GPC6: variants seen among roughly 807,000 people sequenced by gnomAD.
GPC6 encodes glypican-6.
Under a neutral mutation model 55.2 loss-of-function variants are expected in GPC6, and 14 were observed. The ratio of observed to expected loss-of-function variants is 0.25; its 90% CI spans 0.17 to 0.40. GPC6 has a LOEUF of 0.40. GPC6 is among the 10% of genes least tolerant of loss of function. The pLI, the probability that GPC6 is intolerant of heterozygous loss-of-function variation, is 1.00. For missense variants in GPC6, 641 were observed against 708.5 expected, an observed-to-expected ratio of 0.90 and a Z score of 1.08; for synonymous variants, 278 against 259.6, an observed-to-expected ratio of 1.07 and a Z score of -0.68.
At chr13:93,508,014 T>G (rs894568495) in intron 1 of GPC6, among the ~76,000 whole-genome samples, 3 of 152,240 alleles carry the variant, frequency 2.0e-5, no homozygotes, top group African/African-American at 7.2e-5. Flanking sequence ...CTGTTTTACA[T>G]GCTGGGAATA....
chr13:93,436,956 T>A (rs1200904337), intron 1 of GPC6, among the ~76,000 whole-genome samples: 1 of 152,170 alleles, frequency 6.6e-6, no homozygotes, highest in Non-Finnish European at 1.5e-5. Context: ...TGGTGCCATT[T>A]TTTTTTCTCA....
At chr13:93,465,167 C>G (rs1315452383) in intron 1 of GPC6, among the ~76,000 whole-genome samples, 1 of 152,166 alleles carries the variant, frequency 6.6e-6, no homozygotes, top group East Asian at 1.9e-4. Flanking sequence ...TAGTATAATT[C>G]CTAAGGTACC....
chr13:93,218,857 T>C, the GPC6 span, among the ~76,000 whole-genome samples: 1 of 152,196 alleles, frequency 6.6e-6, no homozygotes, highest in Admixed American at 6.5e-5. Context: ...GGGGAATGGT[T>C]GGAGTTTGAG....
At chr13:93,830,749 C>T (rs1336710350) in intron 3 of GPC6, 1 of 587,376 alleles carries the variant, frequency 1.7e-6, no homozygotes. Flanking sequence ...GGATTTTAAG[C>T]CATTCTATGT....
intron 3 of GPC6, among the ~76,000 whole-genome samples, chr13:93,877,211 A>G (rs1183091297): frequency 3.3e-5 from 5 of 152,098 alleles, no homozygotes; most frequent in Non-Finnish European, 5.9e-5. Flanking sequence ...TAGAGGAAGA[A>G]GAATTTATTA....
intron 1 of GPC6, among the ~76,000 whole-genome samples, chr13:93,494,401 T>G (rs1286736424): frequency 6.6e-6 from 1 of 150,514 alleles, no homozygotes; most frequent in Admixed American, 6.6e-5. Flanking sequence ...TCCTTTTATT[T>G]TGAGCCTATG....
At chr13:93,742,639 T>C (rs1884248648) in intron 2 of GPC6, among the ~76,000 whole-genome samples, 1 of 152,192 alleles carries the variant, frequency 6.6e-6, no homozygotes, top group Non-Finnish European at 1.5e-5. Context: ...ACACCTCATG[T>C]CATGCCTCTG....
intron 4 of GPC6, among the ~76,000 whole-genome samples, chr13:94,214,690 A>G (rs1380213746): frequency 6.6e-6 from 1 of 152,126 alleles, no homozygotes; most frequent in African/African-American, 2.4e-5. Context: ...GAACTGTTTT[A>G]TAGTAAATTT....
At chr13:93,939,677 T>C (rs1878629612) in intron 3 of GPC6, among the ~76,000 whole-genome samples, 1 of 152,132 alleles carries the variant, frequency 6.6e-6, no homozygotes, top group Non-Finnish European at 1.5e-5. Flanking sequence ...CTTGAGCTCC[T>C]CAGCTCAAAG....
intron 1 of GPC6, among the ~76,000 whole-genome samples, chr13:93,383,808 A>G (rs1047235487): frequency 1.3e-5 from 2 of 151,842 alleles, no homozygotes; most frequent in Non-Finnish European, 1.5e-5. Flanking sequence ...TGGAACTTTT[A>G]TATGGAAGTC....
chr13:94,183,539 C>T (rs1420761811), intron 4 of GPC6, among the ~76,000 whole-genome samples: 1 of 152,194 alleles, frequency 6.6e-6, no homozygotes, highest in Non-Finnish European at 1.5e-5. Flanking sequence ...ATACAAGTAT[C>T]TGGCTGAGTC....
At chr13:94,077,635 T>C (rs1436268515) in intron 4 of GPC6, among the ~76,000 whole-genome samples, 1 of 151,912 alleles carries the variant, frequency 6.6e-6, no homozygotes, top group Non-Finnish European at 1.5e-5. Flanking sequence ...TATGTTGAAG[T>C]ACATTTCTTC....
At chr13:94,256,055 A>C (rs1342321934) in intron 4 of GPC6, among the ~76,000 whole-genome samples, 2 of 152,192 alleles carry the variant, frequency 1.3e-5, no homozygotes, top group Non-Finnish European at 2.9e-5. Context: ...GGACAAAATC[A>C]AAGTGGAAAA....
intron 3 of GPC6, among the ~76,000 whole-genome samples, chr13:93,943,430 C>T (rs535143727): frequency 1.3e-5 from 2 of 152,254 alleles, no homozygotes; most frequent in Admixed American, 1.3e-4. Flanking sequence ...TCATCTTACT[C>T]TCACTCTGGA....
intron 1 of GPC6, among the ~76,000 whole-genome samples, chr13:93,464,032 T>G (rs572751293): frequency 1.5e-4 from 23 of 152,166 alleles, no homozygotes; most frequent in Non-Finnish European, 2.8e-4. Context: ...GCATAAAACT[T>G]AAGTTTACAC....
intron 1 of GPC6, among the ~76,000 whole-genome samples, chr13:93,430,012 C>T (rs1280964670): frequency 6.6e-6 from 1 of 152,106 alleles, no homozygotes; most frequent in Non-Finnish European, 1.5e-5. Flanking sequence ...TGCCAATAAG[C>T]ATTCTTTATT....
At chr13:94,305,823 A>G (rs1340867581) in intron 5 of GPC6, among the ~76,000 whole-genome samples, 157 bp from the exon 6 acceptor site, 1 of 152,210 alleles carries the variant, frequency 6.6e-6, no homozygotes, top group African/African-American at 2.4e-5. Flanking sequence ...TTTCTGTTAT[A>G]TTAGTGGTTA....
intron 3 of GPC6, among the ~76,000 whole-genome samples, chr13:93,860,164 C>G (rs1051374852): frequency 2.0e-5 from 3 of 151,586 alleles, no homozygotes; most frequent in African/African-American, 7.3e-5. Flanking sequence ...AAATCAAATT[C>G]TTTCTTCAGA....
chr13:93,441,676 G>T (rs1042897583), intron 1 of GPC6, among the ~76,000 whole-genome samples: 1 of 152,134 alleles, frequency 6.6e-6, no homozygotes, highest in African/African-American at 2.4e-5. Context: ...TTCTTTTGTT[G>T]TGCAAAAGCT....
Sources: gnomAD v4.1 joint callset for allele counts (sites outside exome capture counted in the v4.1 genomes callset) on GRCh38, gnomAD v4.1.1 for gene constraint, MANE v1.5 for transcripts, NCBI Gene and HGNC (gene_info 2026-07-23, HGNC 2026-07-21) for gene names.